Variants in OPCML observed in about 807,000 individuals in gnomAD.
OPCML encodes the protein opioid-binding protein/cell adhesion molecule.
Under a neutral mutation model 37.8 loss-of-function variants are expected in OPCML, and 13 were observed. The ratio of observed to expected loss-of-function variants is 0.34; its 90% CI spans 0.22 to 0.55. The LOEUF is 0.55. OPCML is among the 20% of genes least tolerant of loss of function. The pLI, the probability that OPCML is intolerant of heterozygous loss-of-function variation, is 0.91. For missense variants in OPCML, 341 were observed against 435.6 expected, an observed-to-expected ratio of 0.78 and a Z score of 1.93; for synonymous variants, 176 against 168.8, an observed-to-expected ratio of 1.04 and a Z score of -0.33.
At chr11:133,427,072 C>T (rs1314840717) in intron 1 of OPCML, among the ~76,000 whole-genome samples, 1 of 152,022 alleles carries the variant, frequency 6.6e-6, no homozygotes, top group African/African-American at 2.4e-5. Flanking sequence ...ATAAGATAGG[C>T]CTCCAATGAA....
At chr11:133,239,058 G>A (rs1940629061) in intron 1 of OPCML, among the ~76,000 whole-genome samples, 1 of 152,196 alleles carries the variant, frequency 6.6e-6, no homozygotes. Flanking sequence ...CTTCATCCCA[G>A]CCAGGTCTTC....
intron 1 of OPCML, among the ~76,000 whole-genome samples, chr11:133,504,238 C>A (rs1947981176): frequency 1.3e-5 from 2 of 152,148 alleles, no homozygotes; most frequent in African/African-American, 4.8e-5. Context: ...ACGGAGAACC[C>A]CCAAATCCAA....
chr11:133,104,645 TGA>T (rs540966750), intron 1 of OPCML, among the ~76,000 whole-genome samples: 8 of 152,186 alleles, frequency 5.3e-5, no homozygotes, highest in Non-Finnish European at 8.8e-5. Flanking sequence ...GAACTAATCT[TGA>T]TTCTGACTCA....
chr11:132,583,759 A>G (rs917200291), intron 3 of OPCML, among the ~76,000 whole-genome samples: 2 of 152,034 alleles, frequency 1.3e-5, no homozygotes, highest in South Asian at 2.1e-4. Flanking sequence ...GATTACAGTC[A>G]TGCACCACCA....
At chr11:133,234,216 T>G (rs1940412580) in intron 1 of OPCML, among the ~76,000 whole-genome samples, 1 of 151,916 alleles carries the variant, frequency 6.6e-6, no homozygotes, top group Non-Finnish European at 1.5e-5. Flanking sequence ...TTGTTTTGTT[T>G]TCTAAAAAAA....
intron 1 of OPCML, among the ~76,000 whole-genome samples, chr11:133,140,761 G>A (rs1259960256): frequency 3.4e-4 from 31 of 90,524 alleles, no homozygotes; most frequent in African/African-American, 1.0e-3. Context: ...AGAAGAAGAC[G>A]ACGAAGAAGA....
chr11:133,273,354 G>A (rs942651760), intron 1 of OPCML, among the ~76,000 whole-genome samples: 8 of 152,090 alleles, frequency 5.3e-5, no homozygotes, highest in African/African-American at 1.7e-4. Context: ...AGCCAGTGAG[G>A]TGCTGGGGGC....
At chr11:133,291,485 G>C (rs955082049) in intron 1 of OPCML, among the ~76,000 whole-genome samples, 5 of 152,208 alleles carry the variant, frequency 3.3e-5, no homozygotes, top group African/African-American at 1.2e-4. Context: ...CAGGGGCTCA[G>C]CCCCTATCCT....
rs941555749 is a variant in OPCML, at chr11:133,422,567, C to T, written c.61+109697G>A. 14 of 954,344 alleles carry T rather than the reference C, an allele frequency of 1.5e-5. No individual in the cohort carries two copies. The African/African-American group carries it at 2.4e-4, about 16-fold the overall frequency. The allele number at this position is 954,344 out of a possible 1,614,324, so 59.1% of individuals were successfully genotyped here. ...CCAGGCTGGAGTGCAGCGGTGCGAA[C>T]ATGCTCCTCAAACTCCTGGGCTCAA... is the stretch of plus-strand genomic sequence containing the variant. On this transcript the variant is annotated intron_variant, in intron 1 of 7. Coordinates refer to ENST00000524381, the MANE Select transcript of OPCML (RefSeq NM_001012393.5).
At chr11:133,309,810 C>T (rs1943024248) in intron 1 of OPCML, among the ~76,000 whole-genome samples, 1 of 152,054 alleles carries the variant, frequency 6.6e-6, no homozygotes, top group African/African-American at 2.4e-5. Flanking sequence ...ATCCATAAGA[C>T]CAGTGATAGA....
intron 2 of OPCML, among the ~76,000 whole-genome samples, chr11:132,676,789 G>GAAA (rs1196087295): frequency 1.1e-5 from 1 of 93,810 alleles, no homozygotes; most frequent in Non-Finnish European, 2.4e-5. Flanking sequence ...AAACAAACAA[G>GAAA]AAAAAAAAAA....
intron 1 of OPCML, among the ~76,000 whole-genome samples, chr11:133,266,443 T>C (rs554900489): frequency 6.6e-6 from 1 of 152,288 alleles, no homozygotes; most frequent in Non-Finnish European, 1.5e-5. Flanking sequence ...GGTCTCTAAG[T>C]CTAGATTACA....
At chr11:133,023,292 T>G (rs7113537) in intron 1 of OPCML, among the ~76,000 whole-genome samples, 2 of 152,230 alleles carry the variant, frequency 1.3e-5, no homozygotes, top group African/African-American at 2.4e-5. Flanking sequence ...CAAGCTGCAG[T>G]GCAGCCAAGC....
intron 1 of OPCML, among the ~76,000 whole-genome samples, chr11:133,326,996 G>C (rs368530103): frequency 7.1e-6 from 1 of 140,420 alleles, no homozygotes; most frequent in Non-Finnish European, 1.6e-5. Flanking sequence ...TGGGTGAGGG[G>C]GTGTGGGTGT....
At chr11:132,973,860 G>A (rs1282969566) in intron 1 of OPCML, among the ~76,000 whole-genome samples, 1 of 149,426 alleles carries the variant, frequency 6.7e-6, no homozygotes, top group Non-Finnish European at 1.5e-5. Flanking sequence ...AAGAAAGCAC[G>A]GAGTGGATCT....
At chr11:133,160,859 G>C (rs1250804979) in intron 1 of OPCML, among the ~76,000 whole-genome samples, 1 of 152,188 alleles carries the variant, frequency 6.6e-6, no homozygotes, top group African/African-American at 2.4e-5. Flanking sequence ...CTGAGGGATG[G>C]GAAGGAGACA....
At chr11:133,503,366 A>G (rs1371706853) in intron 1 of OPCML, among the ~76,000 whole-genome samples, 1 of 152,118 alleles carries the variant, frequency 6.6e-6, no homozygotes, top group Non-Finnish European at 1.5e-5. Context: ...GCGGAGTTTA[A>G]ACTCAGCTGG....
At chr11:133,133,500 G>GC (rs2137141954) in intron 1 of OPCML, among the ~76,000 whole-genome samples, 2 of 151,960 alleles carry the variant, frequency 1.3e-5, no homozygotes, top group South Asian at 2.1e-4. Context: ...TCCTCTCCTT[G>GC]CCCCCTGGGC....
chr11:133,068,381 G>C (rs1415666066), intron 1 of OPCML, among the ~76,000 whole-genome samples: 1 of 152,180 alleles, frequency 6.6e-6, no homozygotes, highest in Non-Finnish European at 1.5e-5. Context: ...GGAGATTTCT[G>C]CCAGCAGAGG....
Sources: gnomAD v4.1 joint callset for allele counts (sites outside exome capture counted in the v4.1 genomes callset) on GRCh38, gnomAD v4.1.1 for gene constraint, MANE v1.5 for transcripts, NCBI Gene and HGNC (gene_info 2026-07-23, HGNC 2026-07-21) for gene names.